Variants in CHD6 observed in about 807,000 individuals in gnomAD.
CHD6 encodes ATP-dependent chromatin remodeler CHD6.
In CHD6, 50 loss-of-function variants were observed where a neutral mutation model predicts 276.9. The observed-to-expected ratio is 0.18, with a 90% CI of 0.14 to 0.23. The LOEUF (loss-of-function observed/expected upper bound fraction) is 0.23. Among genes scored for constraint, CHD6 ranks in the 10% least tolerant of loss-of-function variants. The probability of loss-of-function intolerance (pLI) is 1.00; values close to 1 mark genes in which losing one functional copy is unlikely to be tolerated. For synonymous variants in CHD6, 1,173 were observed against 1,229.3 expected (o/e 0.95, Z 0.96); for missense variants, 2,564 against 3,365.8 (o/e 0.76, Z 5.89).
At chr20:41,426,189 G>T (rs370736890) in intron 27 of CHD6, 36 bp from the exon 28 acceptor site, 21 of 1,472,784 alleles carry the variant, frequency 1.4e-5, no homozygotes, top group Admixed American at 3.3e-5. Flanking sequence ...CAGCAAAACT[G>T]CAGCTTAGAA....
At chr20:41,587,146 C>A (rs1243745327) in intron 1 of CHD6, among the ~76,000 whole-genome samples, 1 of 152,136 alleles carries the variant, frequency 6.6e-6, no homozygotes, top group African/African-American at 2.4e-5. Context: ...ATATAAAAAT[C>A]AATTACATTT....
rs756875331 is a variant in CHD6, at chr20:41,416,756, G to A, written c.6318C>T (p.His2106=). 2.2e-5 allele frequency: 35 copies of A among 1,607,984 alleles called. No homozygotes were observed. The highest frequency in any genetic ancestry group is 2.0e-4 in the Admixed American group (12 of 59,318). Residue 2106 remains histidine (H), a synonymous_variant, in exon 33 of 37, where the codon CAC becomes CAT. Transcript: ENST00000373233. ...VIINRLDNIC[H]VVLKGKWPSS... ...AGGGCCACTTCCCCTTTAACACCAC[G>A]TGGCAGATATTATCTAGGCGGTTAA... is the stretch of plus-strand genomic sequence containing the variant.
At chr20:41,518,548 A>C (rs73611292) in intron 3 of CHD6, among the ~76,000 whole-genome samples, 1,814 of 152,290 alleles carry the variant, frequency 0.012, 13 homozygotes, top group South Asian at 0.027. Context: ...GTAGCCTGGA[A>C]ATACTTTCTC....
At chr20:41,586,415 A>T (rs547425301) in intron 1 of CHD6, among the ~76,000 whole-genome samples, 2 of 152,270 alleles carry the variant, frequency 1.3e-5, no homozygotes, top group East Asian at 3.9e-4. Flanking sequence ...ATCCTAATCG[A>T]GCTGAATGCT....
chr20:41,507,119 A>C (rs147838075), intron 5 of CHD6, among the ~76,000 whole-genome samples: 84 of 152,304 alleles, frequency 5.5e-4, no homozygotes, highest in Middle Eastern at 3.4e-3. Flanking sequence ...ATGTACATAC[A>C]CTCAAAGGAA....
rs573221739 is a variant in CHD6 at position 41,557,459 on chromosome 20, C to T, written c.-23-6099G>A. Reference sequence around the variant, plus strand: ...CTCTCTCTCCAGTCCAAAAAATCTGCAACAGTGCCTGTGCCATTTCCAAGT... The same window carrying T: ...CTCTCTCTCCAGTCCAAAAAATCTGTAACAGTGCCTGTGCCATTTCCAAGT... On this transcript the variant is annotated intron_variant, in intron 1 of 36. Coordinates refer to ENST00000373233, the MANE Select transcript of CHD6 (RefSeq NM_032221.5). 8.0e-4 allele frequency among the ~76,000 whole-genome samples: 122 copies of T among 151,966 alleles called. 1 individual carries two copies. Among genetic ancestry groups the T allele is most frequent in the African/African-American group, 2.7e-3 (112 of 41,434 alleles).
In CHD6 at chr20:41,488,568, C is replaced by T. The variant is rs139307783; in HGVS notation, c.1717G>A (p.Val573Ile). The T allele has an allele frequency of 2.2e-5, 36 of 1,613,564 alleles. No homozygotes were observed. The highest frequency in any genetic ancestry group is 1.5e-4 in the Admixed American group (9 of 59,952). The change falls in exon 13 of 37, where the codon GTC becomes ATC. Residue 573 changes from valine to isoleucine, a missense_variant. Around this residue, in one of 7 missense-constraint regions of CHD6, gnomAD observed 457 missense variants for 889.0 expected, o/e 0.51. Transcript: ENST00000373233. ...AGGATCATTTCAAATGTTGTGATGA[C>T]GACGTGGAACTTGAAGACTCCTGAA... ...PLSGVFKFHV[V>I]ITTFEMILAD...
chr20:41,487,883 C>T (rs960217507), intron 13 of CHD6, 75 bp from the exon 14 acceptor site: 6 of 1,511,286 alleles, frequency 4.0e-6, no homozygotes, highest in Non-Finnish European at 5.4e-6. Context: ...GAAAATTAAG[C>T]CAGGGCATTG....
intron 26 of CHD6, among the ~76,000 whole-genome samples, chr20:41,438,703 C>A (rs146389962): frequency 2.0e-4 from 31 of 152,272 alleles, no homozygotes; most frequent in African/African-American, 7.5e-4. Context: ...TACCACTTAA[C>A]CGTAGAAAGA....
intron 1 of CHD6, among the ~76,000 whole-genome samples, chr20:41,579,930 T>A (rs1385216339): frequency 2.0e-5 from 3 of 152,208 alleles, no homozygotes; most frequent in African/African-American, 7.2e-5. Flanking sequence ...GGGTTTTTGT[T>A]TTGTTTTGCT....
intron 1 of CHD6, among the ~76,000 whole-genome samples, chr20:41,580,212 G>C (rs968345226): frequency 6.6e-6 from 1 of 152,230 alleles, no homozygotes; most frequent in Non-Finnish European, 1.5e-5. Flanking sequence ...GCTATGCAAA[G>C]AGTGTTTATG....
chr20:41,491,578 C>G (rs989440813), intron 11 of CHD6, 120 bp downstream of exon 11: 2 of 1,085,134 alleles, frequency 1.8e-6, no homozygotes, highest in East Asian at 4.8e-5. Context: ...AGACTACCAC[C>G]CTAAATTGAT....
At chr20:41,599,212 T>G (rs999906192) in intron 1 of CHD6, among the ~76,000 whole-genome samples, 1 of 152,158 alleles carries the variant, frequency 6.6e-6, no homozygotes, top group African/African-American at 2.4e-5. Flanking sequence ...GAAAACAGGA[T>G]AGCCCTGGAC....
At chr20:41,516,457 A>G (rs1432922131) in intron 3 of CHD6, among the ~76,000 whole-genome samples, 1 of 152,112 alleles carries the variant, frequency 6.6e-6, no homozygotes, top group Non-Finnish European at 1.5e-5. Context: ...TACAGGTGTG[A>G]GCCACCACAC....
rs866835849 is a variant in CHD6, at chr20:41,426,291, C to T, written c.4069-138G>A. 17 of 711,562 alleles carry T rather than the reference C, an allele frequency of 2.4e-5. No individual in the cohort carries two copies. The African/African-American group carries it at 2.6e-4, about 11-fold the overall frequency. The allele number at this position is 711,562 out of a possible 1,614,324, so 44.1% of individuals were successfully genotyped here. A position where few individuals can be genotyped will look rare whatever the true frequency, so the allele number is the denominator to read the frequency against. Reference sequence around the variant, plus strand: ...ATGAACAACTCAGACCAAGATAGGACCTGATAAAGCTTACTTCTGTACAAT... The same window carrying T: ...ATGAACAACTCAGACCAAGATAGGATCTGATAAAGCTTACTTCTGTACAAT... On this transcript the variant is annotated intron_variant, in intron 27 of 36. Transcript: ENST00000373233.
chr20:41,475,600 T>C (rs557371278), intron 16 of CHD6, among the ~76,000 whole-genome samples: 43 of 152,212 alleles, frequency 2.8e-4, no homozygotes, highest in Non-Finnish European at 5.0e-4. Context: ...TGTGATGCAA[T>C]AGAGGAAGCA....
At chr20:41,515,721 C>T (rs576684950) in intron 3 of CHD6, among the ~76,000 whole-genome samples, 1 of 152,352 alleles carries the variant, frequency 6.6e-6, no homozygotes, top group South Asian at 2.1e-4. Context: ...GGATCCTCTA[C>T]AGTTGCTCAA....
intron 2 of CHD6, among the ~76,000 whole-genome samples, chr20:41,540,722 G>A (rs955333794): frequency 1.4e-4 from 22 of 152,132 alleles, no homozygotes; most frequent in Non-Finnish European, 2.4e-4. Flanking sequence ...GGCTGGCTTT[G>A]GAGTCTTCTA....
In CHD6 at chr20:41,452,304, T is replaced by A. The variant is rs577447978; in HGVS notation, c.3324-279A>T. 8.7e-4 allele frequency among the ~76,000 whole-genome samples: 132 copies of A among 152,314 alleles called. No homozygotes were observed. Among genetic ancestry groups the A allele is most frequent in the African/African-American group, 3.0e-3 (126 of 41,564 alleles). ...AAACTACTGGGAGCAGGGAATAAAT[T>A]TGGAATCAAAAAGAGTCCAACAGCA... On this transcript the variant is annotated intron_variant, in intron 21 of 36. Transcript: ENST00000373233. The surrounding 1 kb of genome is among the most constrained non-coding windows in gnomAD (Gnocchi z 4.2).
Sources: allele counts gnomAD v4.1 joint callset (sites outside exome capture counted in the v4.1 genomes callset), GRCh38; gene constraint gnomAD v4.1.1; regional missense constraint gnomAD v4.1.1; non-coding constraint Gnocchi (gnomAD v3.1); transcripts MANE v1.5; gene names NCBI Gene and HGNC (gene_info 2026-07-23, HGNC 2026-07-21).